UBE2V2: variants seen among roughly 807,000 people sequenced by gnomAD.
UBE2V2 encodes ubiquitin conjugating enzyme E2 V2, also known as ubiquitin-conjugating enzyme E2 variant 2.
A neutral mutation model predicts 17.2 loss-of-function variants in UBE2V2; 9 were observed. The observed-to-expected ratio is 0.52, with a 90% CI of 0.32 to 0.91. UBE2V2 has a LOEUF of 0.91. Among genes scored for constraint, UBE2V2 ranks in the 40% least tolerant of loss-of-function variants. The pLI is 0.04. For synonymous variants in UBE2V2, 61 were observed against 57.5 expected (o/e 1.06, Z -0.28); for missense variants, 133 against 182.6 (o/e 0.73, Z 1.56).
At chr8:48,012,727 A>G (rs545121568) in intron 1 of UBE2V2, among the ~76,000 whole-genome samples, 29 of 152,274 alleles carry the variant, frequency 1.9e-4, no homozygotes, top group African/African-American at 6.7e-4. Flanking sequence ...TCAGAAAAAA[A>G]AAGAAAAAAA....
upstream of UBE2V2, among the ~76,000 whole-genome samples, chr8:48,006,339 T>C (rs1008114260): frequency 2.0e-5 from 3 of 152,222 alleles, no homozygotes; most frequent in Non-Finnish European, 2.9e-5. Flanking sequence ...TGTGGAGTTA[T>C]TTCTGAGGCC....
intron 3 of UBE2V2, chr8:48,050,227 C>A: frequency 4.5e-6 from 1 of 221,894 alleles, no homozygotes; most frequent in East Asian, 9.0e-5. Context: ...GTGGTTAAAA[C>A]TTTTTTTTTC....
the UBE2V2 span, among the ~76,000 whole-genome samples, chr8:47,997,868 AG>A: frequency 6.6e-6 from 1 of 151,862 alleles, no homozygotes; most frequent in Non-Finnish European, 1.5e-5. Context: ...GTGGAGGATT[AG>A]GATGTTGTCA....
upstream of UBE2V2, among the ~76,000 whole-genome samples, chr8:48,007,611 C>G (rs2091192892): frequency 7.3e-6 from 1 of 137,206 alleles, no homozygotes; most frequent in African/African-American, 2.8e-5. Context: ...GACTAGGTAT[C>G]ACTATGTTGT....
chr8:48,020,904 A>T (rs2154506976), intron 1 of UBE2V2, among the ~76,000 whole-genome samples: 1 of 141,844 alleles, frequency 7.1e-6, no homozygotes, highest in East Asian at 2.0e-4. Context: ...TGCCCAGCTA[A>T]TTTTTTTTTT....
At chr8:48,007,324 CTGTT>C (rs2091190682), upstream of UBE2V2, among the ~76,000 whole-genome samples, 1 of 152,168 alleles carries the variant, frequency 6.6e-6, no homozygotes, top group Admixed American at 6.6e-5. Flanking sequence ...CAAATTGTCT[CTGTT>C]TGCAGATGAC....
At chr8:48,000,672 A>C in the UBE2V2 span, among the ~76,000 whole-genome samples, 1 of 151,946 alleles carries the variant, frequency 6.6e-6, no homozygotes, top group Non-Finnish European at 1.5e-5. Flanking sequence ...ATACAAAAAA[A>C]TTAGCTGGGT....
chr8:47,998,321 G>T, the UBE2V2 span, among the ~76,000 whole-genome samples: 1 of 152,006 alleles, frequency 6.6e-6, no homozygotes, highest in Non-Finnish European at 1.5e-5. Flanking sequence ...AGGGGCGCAC[G>T]TAGAAGAAGA....
At chr8:48,017,774 T>C (rs2091279440) in intron 1 of UBE2V2, among the ~76,000 whole-genome samples, 2 of 151,968 alleles carry the variant, frequency 1.3e-5, no homozygotes, top group Non-Finnish European at 2.9e-5. Flanking sequence ...TGAGGTCATA[T>C]CCTCCAAAAA....
At chr8:48,015,991 G>C (rs940842156) in intron 1 of UBE2V2, among the ~76,000 whole-genome samples, 2 of 149,690 alleles carry the variant, frequency 1.3e-5, no homozygotes, top group Non-Finnish European at 3.0e-5. Flanking sequence ...TCCACCTCCT[G>C]GGTTCAAGCA....
At chr8:48,030,594 G>A (rs1437254856) in intron 1 of UBE2V2, among the ~76,000 whole-genome samples, 3 of 152,296 alleles carry the variant, frequency 2.0e-5, no homozygotes, top group Non-Finnish European at 2.9e-5. Flanking sequence ...AGTGGCATGC[G>A]CCAGTGGTGC....
rs1802603290 is a variant in UBE2V2, at chr8:48,062,093, C to A, written c.*1265C>A. ...CCGCTTTCACCAAAGTGACGTGAGG[C>A]TTTAGGTCACTGTTTCACTTCAAAG... On this transcript the variant is annotated 3_prime_UTR_variant, in exon 4 of 4. Transcript: ENST00000523111. 1 of 152,118 alleles carries A rather than the reference C, an allele frequency of 6.6e-6. No homozygotes were observed. The highest frequency in any genetic ancestry group is 1.5e-5 in the Non-Finnish European group (1 of 68,022). 9.4% of individuals were successfully genotyped at this position (152,118 alleles called of 1,614,324 possible).
intron 1 of UBE2V2, among the ~76,000 whole-genome samples, chr8:48,035,620 T>TG (rs2154507465): frequency 2.2e-5 from 1 of 44,562 alleles, no homozygotes; most frequent in East Asian, 9.9e-4. Context: ...AAAATTATTG[T>TG]TTTTTTTTTT....
At chr8:48,044,955 C>G (rs921638231) in intron 2 of UBE2V2, among the ~76,000 whole-genome samples, 3 of 152,218 alleles carry the variant, frequency 2.0e-5, no homozygotes, top group African/African-American at 7.2e-5. Context: ...TGTCGTGGAC[C>G]GGTTCCTGCT....
At chr8:48,039,252 A>T (rs1023578231) in intron 1 of UBE2V2, among the ~76,000 whole-genome samples, 17 of 152,124 alleles carry the variant, frequency 1.1e-4, no homozygotes, top group African/African-American at 3.9e-4. Context: ...ACTTTTTGCT[A>T]CATATGTATA....
chr8:48,034,043 T>G (rs2091403100), intron 1 of UBE2V2, among the ~76,000 whole-genome samples: 1 of 152,192 alleles, frequency 6.6e-6, no homozygotes, highest in South Asian at 2.1e-4. Flanking sequence ...TCCCTTGGTC[T>G]ATAGCTCCCT....
chr8:48,006,556 C>T (rs1053228041), upstream of UBE2V2, among the ~76,000 whole-genome samples: 1 of 152,130 alleles, frequency 6.6e-6, no homozygotes, highest in African/African-American at 2.4e-5. Context: ...TACTGGCAAA[C>T]CGAATCCAGC....
chr8:48,025,834 T>C (rs771269263), intron 1 of UBE2V2, among the ~76,000 whole-genome samples: 5 of 149,120 alleles, frequency 3.4e-5, no homozygotes, highest in Admixed American at 6.7e-5. Context: ...TCTCCTGACC[T>C]CGTGATCCGC....
chr8:48,059,598 G>A (rs1242617662), intron 3 of UBE2V2, among the ~76,000 whole-genome samples: 1 of 151,820 alleles, frequency 6.6e-6, no homozygotes, highest in Non-Finnish European at 1.5e-5. Context: ...TAGTAGAGGC[G>A]GGGTTTCACT....
Sources: gnomAD v4.1 joint callset for allele counts (sites outside exome capture counted in the v4.1 genomes callset) on GRCh38, gnomAD v4.1.1 for gene constraint, MANE v1.5 for transcripts, NCBI Gene and HGNC (gene_info 2026-07-23, HGNC 2026-07-21) for gene names.